SLC12A7: variants seen among roughly 807,000 people sequenced by gnomAD.
SLC12A7 encodes solute carrier family 12 member 7.
SLC12A7 carries 100 observed loss-of-function variants against 120.6 expected under a neutral mutation model. The observed-to-expected ratio is 0.83, with a 90% confidence interval of 0.71 to 0.98. The LOEUF (loss-of-function observed/expected upper bound fraction) is 0.98. SLC12A7 is among the 50% of genes least tolerant of loss of function. SLC12A7 has a pLI of 0.00. For synonymous variants in SLC12A7, 760 were observed against 678.0 expected (o/e 1.12, Z -1.88); for missense variants, 1,373 against 1,548.1 (o/e 0.89, Z 1.90).
chr5:1,124,145 A>G, the SLC12A7 span, among the ~76,000 whole-genome samples: 3 of 152,246 alleles, frequency 2.0e-5, no homozygotes, highest in Admixed American at 6.5e-5. Flanking sequence ...CAGCAGGTCA[A>G]TCTGCTCCAA....
chr5:1,054,383 G>C (rs1735386850), intron 22 of SLC12A7, among the ~76,000 whole-genome samples: 1 of 152,160 alleles, frequency 6.6e-6, no homozygotes, highest in Non-Finnish European at 1.5e-5. Flanking sequence ...GCAGAATCAT[G>C]CTGTGAGGTG....
chr5:1,132,104 C>T, the SLC12A7 span, among the ~76,000 whole-genome samples: 3,536 of 152,272 alleles, frequency 0.023, 154 homozygotes, highest in African/African-American at 0.081. Flanking sequence ...GGAAGCCATC[C>T]AATACCCAGT....
chr5:1,088,028 C>T (rs757521009), intron 5 of SLC12A7, among the ~76,000 whole-genome samples: 6 of 152,232 alleles, frequency 3.9e-5, no homozygotes, highest in Non-Finnish European at 7.3e-5. Context: ...CCACTGGAAT[C>T]GCCCGTGCCT....
At chr5:1,154,737 A>G in the SLC12A7 span, among the ~76,000 whole-genome samples, 6 of 152,092 alleles carry the variant, frequency 3.9e-5, no homozygotes, top group Non-Finnish European at 8.8e-5. Flanking sequence ...CACACACGTG[A>G]GCTGGGTCCC....
rs547940217 is a variant in SLC12A7 at position 1,052,272 on chromosome 5, G to A, written c.*88C>T. Reference sequence around the variant, plus strand: ...GCATCACTGGGGGACAGGTGTGTCTGCCGTCTGTTTCCCTGGGCCAAGCCC... The same window carrying A: ...GCATCACTGGGGGACAGGTGTGTCTACCGTCTGTTTCCCTGGGCCAAGCCC... On this transcript the variant is annotated 3_prime_UTR_variant, in exon 24 of 24. Coordinates refer to ENST00000264930, the MANE Select transcript of SLC12A7 (RefSeq NM_006598.3). The A allele has an allele frequency of 9.5e-5, 106 of 1,112,028 alleles. No homozygotes were observed. In the Middle Eastern group the frequency reaches 1.4e-3, roughly 14 times the overall value. 68.9% of individuals were successfully genotyped at this position (1,112,028 alleles called of 1,614,324 possible). A position where few individuals can be genotyped will look rare whatever the true frequency, so the allele number is the denominator to read the frequency against.
chr5:1,083,713 C>G, intron 8 of SLC12A7, 32 bp downstream of exon 8: 1 of 1,606,418 alleles, frequency 6.2e-7, no homozygotes. Context: ...CCCGCCACCC[C>G]CCAGCTCCAG....
the SLC12A7 span, among the ~76,000 whole-genome samples, chr5:1,138,918 TG>T: frequency 6.6e-6 from 1 of 152,240 alleles, no homozygotes; most frequent in African/African-American, 2.4e-5. Context: ...TCCTAACATG[TG>T]CCCTGAGGTG....
the SLC12A7 span, among the ~76,000 whole-genome samples, chr5:1,125,712 GC>G: frequency 6.6e-6 from 1 of 152,106 alleles, no homozygotes; most frequent in Non-Finnish European, 1.5e-5. Flanking sequence ...ATCACCTGAG[GC>G]CAGGAGTTTG....
chr5:1,075,534 G>A (rs202066822), intron 14 of SLC12A7, 44 bp from the exon 15 acceptor site: 17 of 1,583,620 alleles, frequency 1.1e-5, no homozygotes, highest in African/African-American at 1.3e-5. Context: ...ACGCCATGCA[G>A]CCCCCACACC....
chr5:1,105,462 C>T (rs754036675), intron 1 of SLC12A7, among the ~76,000 whole-genome samples: 22 of 152,254 alleles, frequency 1.4e-4, no homozygotes, highest in African/African-American at 2.2e-4. Context: ...GGGACCCTGC[C>T]GTGGGCCTGC....
intron 15 of SLC12A7, among the ~76,000 whole-genome samples, 195 bp downstream of exon 15, chr5:1,075,176 C>A (rs1022568668): frequency 6.6e-6 from 1 of 152,214 alleles, no homozygotes; most frequent in African/African-American, 2.4e-5. Flanking sequence ...GCAGGCACCT[C>A]GGCCTGGCTG....
chr5:1,130,887 A>G, the SLC12A7 span, among the ~76,000 whole-genome samples: 1 of 152,218 alleles, frequency 6.6e-6, no homozygotes, highest in Non-Finnish European at 1.5e-5. Flanking sequence ...GCCGGGAGGC[A>G]GCTCAGGGAG....
At position 1,076,116 on chromosome 5, in the gene SLC12A7, C is replaced by G. The variant is rs199730575; in HGVS notation, c.1847+22G>C. The G allele has an allele frequency of 6.9e-6, 11 of 1,588,318 alleles. No individual in the cohort carries two copies. In the East Asian group the frequency reaches 2.0e-4, roughly 29 times the overall value. On this transcript the variant is annotated intron_variant, in intron 14 of 23. Coordinates refer to ENST00000264930, the MANE Select transcript of SLC12A7 (RefSeq NM_006598.3). ...GTGTCCCAGCCTGTGGGGCTCCTCA[C>G]GCCCGTGCTGAGTGGCCTCACCAGT...
At chr5:1,117,061 G>A (rs1438202139), upstream of SLC12A7, among the ~76,000 whole-genome samples, 1 of 152,170 alleles carries the variant, frequency 6.6e-6, no homozygotes, top group East Asian at 1.9e-4. This position sits in a 1 kb window ranked among gnomAD's most constrained non-coding sequence, Gnocchi z 4.5. Context: ...GCAACACCAT[G>A]AGATCAGGGA....
chr5:1,136,094 G>A, the SLC12A7 span, among the ~76,000 whole-genome samples: 1 of 152,174 alleles, frequency 6.6e-6, no homozygotes, highest in African/African-American at 2.4e-5. Context: ...TGATGAGAAG[G>A]TTCAGAGGCC....
chr5:1,143,281 T>C, the SLC12A7 span, among the ~76,000 whole-genome samples: 1 of 152,208 alleles, frequency 6.6e-6, no homozygotes, highest in Non-Finnish European at 1.5e-5. Flanking sequence ...CCAGCAATTG[T>C]AACAAAGCGC....
chr5:1,075,222 C>A, intron 15 of SLC12A7, 149 bp downstream of exon 15: 1 of 1,150,082 alleles, frequency 8.7e-7, no homozygotes, highest in Non-Finnish European at 1.2e-6. Flanking sequence ...CACAACACAG[C>A]CCACCTGGAC....
At chr5:1,113,174 C>G (rs1484001587), upstream of SLC12A7, among the ~76,000 whole-genome samples, 3 of 152,214 alleles carry the variant, frequency 2.0e-5, no homozygotes, top group East Asian at 5.8e-4. Flanking sequence ...AATGAGTCAG[C>G]CTTTATTCCT....
At chr5:1,068,389 G>A (rs1737281933) in intron 17 of SLC12A7, among the ~76,000 whole-genome samples, 1 of 152,122 alleles carries the variant, frequency 6.6e-6, no homozygotes, top group Non-Finnish European at 1.5e-5. Context: ...AGCTGAGACG[G>A]CGCCACTGCA....
Sources: gnomAD v4.1 joint callset for allele counts (sites outside exome capture counted in the v4.1 genomes callset) on GRCh38, gnomAD v4.1.1 for gene constraint, Gnocchi (gnomAD v3.1) non-coding constraint, MANE v1.5 for transcripts, NCBI Gene and HGNC (gene_info 2026-07-23, HGNC 2026-07-21) for gene names.